Variants in CGNL1 observed in about 807,000 individuals in gnomAD.
CGNL1 encodes cingulin-like protein 1.
CGNL1 carries 132 observed loss-of-function variants against 141.2 expected under a neutral mutation model. The observed-to-expected ratio is 0.93, with a 90% CI of 0.81 to 1.08. CGNL1 has a LOEUF of 1.08. Among genes scored for constraint, CGNL1 ranks in the 50% least tolerant of loss-of-function variants. The pLI is 0.00. For synonymous variants in CGNL1, 690 were observed against 622.1 expected (o/e 1.11, Z -1.63); for missense variants, 1,870 against 1,588.6 (o/e 1.18, Z -3.01).
Position 57,531,794 on chromosome 15 carries a change from G to A in CGNL1, c.3291+15G>A, listed in dbSNP as rs1180732527. ...GCAGGGAACAGGTACTATTCTATAG[G>A]TGAATGATGCGTGGATTGTCCTGTG... On this transcript the variant is annotated intron_variant, in intron 14 of 18. Coordinates refer to ENST00000281282, the MANE Select transcript of CGNL1 (RefSeq NM_032866.5). The A allele has an allele frequency of 1.7e-5, 25 of 1,461,660 alleles. No individual in the cohort carries two copies. The highest frequency in any genetic ancestry group is 2.4e-5 in the Non-Finnish European group (25 of 1,041,070). The allele number at this position is 1,461,660 out of a possible 1,614,324, so 90.5% of individuals were successfully genotyped here. A position where few individuals can be genotyped will look rare whatever the true frequency, so the allele number is the denominator to read the frequency against.
intron 8 of CGNL1, among the ~76,000 whole-genome samples, chr15:57,483,468 CTTT>C (rs60667956): frequency 7.8e-5 from 10 of 127,804 alleles, no homozygotes; most frequent in African/African-American, 1.2e-4. Context: ...ACAAAGTTTT[CTTT>C]TTTTTTTTTT....
At chr15:57,410,008 A>G (rs529026094) in intron 1 of CGNL1, among the ~76,000 whole-genome samples, 4 of 152,356 alleles carry the variant, frequency 2.6e-5, no homozygotes, top group African/African-American at 4.8e-5. Flanking sequence ...TAAAGGCACA[A>G]GCCGTTAGCC....
At chr15:57,517,996 T>TAA (rs61279417) in intron 9 of CGNL1, among the ~76,000 whole-genome samples, 72 of 147,352 alleles carry the variant, frequency 4.9e-4, no homozygotes, top group African/African-American at 1.6e-3. Context: ...ATATTTCTAT[T>TAA]AAAAAAAAAA....
rs1387998161 is a variant in CGNL1 at position 57,439,549 on chromosome 15, C to T, written c.1550C>T (p.Ser517Phe). ...CGGGCAACAGCAACTTCGCCTGATTCTGGTGCCAAGAAAATTTCCGTGAAG... is the reference window on the plus strand; with the variant it reads ...CGGGCAACAGCAACTTCGCCTGATTTTGGTGCCAAGAAAATTTCCGTGAAG... The part of the protein sequence containing the change: ...QNRATATSPD[S>F]GAKKISVKTF... Residue 517 changes from serine (S) to phenylalanine (F), a missense_variant, in exon 2 of 19, where the codon TCT (serine) becomes TTT (phenylalanine). Physicochemically the swap from Ser to Phe is radical, Grantham distance 155. Transcript: ENST00000281282. 5 of 1,614,048 alleles carry T rather than the reference C, an allele frequency of 3.1e-6. No homozygotes were observed. The highest frequency in any genetic ancestry group is 4.2e-6 in the Non-Finnish European group (5 of 1,180,010).
chr15:57,450,196 TC>T (rs2063305034), intron 4 of CGNL1, among the ~76,000 whole-genome samples: 1 of 152,238 alleles, frequency 6.6e-6, no homozygotes, highest in Admixed American at 6.5e-5. Context: ...TTTCTGTTAC[TC>T]CACATCCTTG....
intron 8 of CGNL1, among the ~76,000 whole-genome samples, chr15:57,469,094 A>G (rs1420200298): frequency 6.6e-6 from 1 of 152,016 alleles, no homozygotes; most frequent in Non-Finnish European, 1.5e-5. Flanking sequence ...TGGGGACATT[A>G]CTTGGTGGTG....
At chr15:57,476,542 G>A (rs1464909797) in intron 8 of CGNL1, among the ~76,000 whole-genome samples, 2 of 152,232 alleles carry the variant, frequency 1.3e-5, no homozygotes, top group Non-Finnish European at 2.9e-5. Context: ...GTTGGTGACA[G>A]AAGAATTCAG....
At chr15:57,390,878 A>T (rs1351785020) in intron 1 of CGNL1, among the ~76,000 whole-genome samples, 1 of 151,814 alleles carries the variant, frequency 6.6e-6, no homozygotes, top group African/African-American at 2.4e-5. Context: ...TGGTGGCAGG[A>T]GTGTGACAAG....
chr15:57,381,398 A>C (rs1188032640), intron 1 of CGNL1, among the ~76,000 whole-genome samples: 6 of 152,128 alleles, frequency 3.9e-5, no homozygotes, highest in African/African-American at 1.2e-4. Context: ...CGCCTCTACA[A>C]AAAAATACAG....
chr15:57,481,679 T>C (rs1363640178), intron 8 of CGNL1, among the ~76,000 whole-genome samples: 1 of 152,156 alleles, frequency 6.6e-6, no homozygotes, highest in African/African-American at 2.4e-5. Context: ...TTTTAATTTT[T>C]TTCTGGGATA....
intron 7 of CGNL1, among the ~76,000 whole-genome samples, chr15:57,455,355 A>G (rs1414748044): frequency 6.6e-6 from 1 of 152,212 alleles, no homozygotes; most frequent in Non-Finnish European, 1.5e-5. Flanking sequence ...AAACATTGTC[A>G]TATTCTTGAT....
chr15:57,495,921 A>G (rs1243607637), intron 8 of CGNL1, among the ~76,000 whole-genome samples: 2 of 19,202 alleles, frequency 1.0e-4, no homozygotes, highest in Non-Finnish European at 1.9e-4. Flanking sequence ...CTAATTGACA[A>G]AAAAAAATGA....
intron 1 of CGNL1, among the ~76,000 whole-genome samples, chr15:57,384,389 A>G (rs2062459770): frequency 6.6e-6 from 1 of 152,076 alleles, no homozygotes. Context: ...GCTATCATAA[A>G]CCCATTTTAC....
At chr15:57,442,533 A>T in intron 4 of CGNL1, 55 bp downstream of exon 4, 2 of 1,103,072 alleles carry the variant, frequency 1.8e-6, no homozygotes. Context: ...TGTGGTAAAC[A>T]ACTTGCTGTT....
intron 1 of CGNL1, among the ~76,000 whole-genome samples, chr15:57,409,863 T>G (rs1292812703): frequency 5.9e-5 from 9 of 152,170 alleles, no homozygotes; most frequent in African/African-American, 2.2e-4. Flanking sequence ...AACCACTGCT[T>G]GGTTTGAAAA....
chr15:57,381,349 C>T (rs1445224691), intron 1 of CGNL1, among the ~76,000 whole-genome samples: 1 of 152,064 alleles, frequency 6.6e-6, no homozygotes, highest in Non-Finnish European at 1.5e-5. Context: ...CCCTTGAGCC[C>T]AGGAGGTCAA....
chr15:57,385,852 T>C (rs1259479918), intron 1 of CGNL1, among the ~76,000 whole-genome samples: 3 of 152,226 alleles, frequency 2.0e-5, no homozygotes, highest in Non-Finnish European at 4.4e-5. Context: ...CTGCTAAATA[T>C]CCTTTGATTC....
chr15:57,409,731 G>A (rs971402906), intron 1 of CGNL1, among the ~76,000 whole-genome samples: 1 of 152,268 alleles, frequency 6.6e-6, no homozygotes, highest in East Asian at 1.9e-4. Flanking sequence ...GAGTCAAGTC[G>A]GGCTGGGACT....
At chr15:57,397,604 C>A (rs185091072) in intron 1 of CGNL1, among the ~76,000 whole-genome samples, 74 of 152,040 alleles carry the variant, frequency 4.9e-4, no homozygotes, top group African/African-American at 1.3e-3. Context: ...GGAGAAAAAA[C>A]CCCCACTATC....
Sources: gnomAD v4.1 joint callset for allele counts (sites outside exome capture counted in the v4.1 genomes callset) on GRCh38, gnomAD v4.1.1 for gene constraint, MANE v1.5 for transcripts, NCBI Gene and HGNC (gene_info 2026-07-23, HGNC 2026-07-21) for gene names.